The following UTRN variants were observed in gnomAD, a reference collection of about 807,000 sequenced individuals.
UTRN encodes the protein dystrophin-related protein 1.
Under a neutral mutation model 463.9 loss-of-function variants are expected in UTRN, and 283 were observed. The observed-to-expected ratio is 0.61, with a 90% CI of 0.55 to 0.67. UTRN has a LOEUF of 0.67. UTRN is among the 30% of genes least tolerant of loss of function. The probability of loss-of-function intolerance (pLI) is 0.00; values close to 1 mark genes in which losing one functional copy is unlikely to be tolerated. For missense variants in UTRN, 3,922 were observed against 4,084.3 expected, an observed-to-expected ratio of 0.96 and a Z score of 1.08; for synonymous variants, 1,442 against 1,431.5, an observed-to-expected ratio of 1.01 and a Z score of -0.17.
intron 51 of UTRN, among the ~76,000 whole-genome samples, chr6:144,670,045 C>T (rs763230620): frequency 2.9e-4 from 44 of 151,074 alleles, no homozygotes; most frequent in Non-Finnish European, 5.3e-4. Flanking sequence ...GGTATTTGTA[C>T]TGGTTCCATA....
intron 53 of UTRN, among the ~76,000 whole-genome samples, chr6:144,704,548 G>A (rs1186201729): frequency 1.3e-5 from 2 of 152,170 alleles, no homozygotes; most frequent in Admixed American, 6.5e-5. Flanking sequence ...TCACAGGGCT[G>A]GAGGATTCCT....
chr6:144,665,049 A>G (rs1250390605), intron 51 of UTRN, among the ~76,000 whole-genome samples: 1 of 152,180 alleles, frequency 6.6e-6, no homozygotes, highest in Non-Finnish European at 1.5e-5. Flanking sequence ...GAGCTTTGGG[A>G]CATGATAGCG....
intron 51 of UTRN, 54 bp from the exon 52 acceptor site, chr6:144,678,351 TA>T: frequency 6.6e-7 from 1 of 1,516,280 alleles, no homozygotes; most frequent in Non-Finnish European, 8.9e-7. Context: ...TCTGTGAATA[TA>T]AAGATATACT....
At chr6:144,659,055 C>T (rs183722957) in intron 51 of UTRN, among the ~76,000 whole-genome samples, 44 of 152,336 alleles carry the variant, frequency 2.9e-4, no homozygotes, top group African/African-American at 1.0e-3. Context: ...CTATTTTCTT[C>T]ATCAGTTGCC....
intron 28 of UTRN, 26 bp downstream of exon 28, chr6:144,485,545 T>A: frequency 6.2e-7 from 1 of 1,613,868 alleles, no homozygotes; most frequent in South Asian, 1.1e-5. Flanking sequence ...CTCCACGGCA[T>A]TTCTCTTTGC....
chr6:144,611,446 A>G (rs1431822641), intron 51 of UTRN, among the ~76,000 whole-genome samples: 1 of 152,222 alleles, frequency 6.6e-6, no homozygotes, highest in Non-Finnish European at 1.5e-5. Flanking sequence ...TGCAGATGTC[A>G]TGATCTTCTG....
chr6:144,329,791 T>C (rs557506446), intron 2 of UTRN, among the ~76,000 whole-genome samples: 1 of 152,344 alleles, frequency 6.6e-6, no homozygotes, highest in South Asian at 2.1e-4. Context: ...AAAATGAGTA[T>C]TTGTTTCCTT....
chr6:144,621,386 T>G (rs181271421), intron 51 of UTRN, among the ~76,000 whole-genome samples: 202 of 152,232 alleles, frequency 1.3e-3, no homozygotes, highest in African/African-American at 4.7e-3. Flanking sequence ...GTACCTATCC[T>G]TTTGCTTGGA....
rs1781118399 is a variant in UTRN at position 144,836,521 on chromosome 6, C to T, written c.10045C>T (p.Leu3349Phe). 1 of 1,613,616 alleles carries T rather than the reference C, an allele frequency of 6.2e-7. No individual in the cohort carries two copies. Among genetic ancestry groups the T allele is most frequent in the Admixed American group, 1.7e-5 (1 of 60,010 alleles). Residue 3349 changes from leucine to phenylalanine, a missense_variant, in exon 71 of 75, where the codon CTC becomes TTC. Physicochemically the swap from Leu to Phe is conservative, Grantham distance 22. This residue lies in a region of UTRN where 1,309 missense variants were observed against 1,452.6 expected (regional missense o/e 0.90). Coordinates refer to ENST00000367545, the MANE Select transcript of UTRN (RefSeq NM_007124.3). ...ACAGCTGGAGTCTCAGCTCCACCGC[C>T]TCCGACAGCTGCTGGAGCAGGTAGG... The part of the protein sequence containing the change: ...NKQLESQLHR[L>F]RQLLEQPESD...
At chr6:144,736,532 TATTA>T (rs1437831287) in intron 54 of UTRN, among the ~76,000 whole-genome samples, 1 of 152,246 alleles carries the variant, frequency 6.6e-6, no homozygotes, top group Admixed American at 6.5e-5. Context: ...TAAAAATCAC[TATTA>T]ATTGACCATT....
intron 2 of UTRN, among the ~76,000 whole-genome samples, chr6:144,327,696 C>T (rs2502636): frequency 2.6e-5 from 4 of 151,920 alleles, no homozygotes; most frequent in South Asian, 4.1e-4. Context: ...GTAATCCCAG[C>T]GCTTTGGGAG....
intron 58 of UTRN, among the ~76,000 whole-genome samples, chr6:144,766,788 G>A (rs540783612): frequency 9.2e-6 from 1 of 109,190 alleles, no homozygotes; most frequent in Non-Finnish European, 1.8e-5. Context: ...TGAGGTAGGG[G>A]TGTGTGTGTG....
At chr6:144,562,258 A>C (rs1799996770) in intron 50 of UTRN, among the ~76,000 whole-genome samples, 1 of 152,124 alleles carries the variant, frequency 6.6e-6, no homozygotes, top group Non-Finnish European at 1.5e-5. Flanking sequence ...ATGCAGGTTT[A>C]TGACATAGGT....
rs564769713 is a variant in UTRN, at chr6:144,619,483, A to G, written c.7479+42195A>G. Reference sequence around the variant, plus strand: ...ACTTTACAACCTCTTAAACCAGAATATGGGAGAAGCCCAATTTACCTTTAA... The same window carrying G: ...ACTTTACAACCTCTTAAACCAGAATGTGGGAGAAGCCCAATTTACCTTTAA... On this transcript the variant is annotated intron_variant, in intron 51 of 74. Transcript: ENST00000367545. Among the ~76,000 whole-genome samples the G allele has an allele frequency of 7.5e-4, 114 of 152,308 alleles. 1 individual carries two copies. The highest frequency in any genetic ancestry group is 2.1e-3 in the African/African-American group (88 of 41,588).
rs1562549845 is a variant in UTRN at position 144,542,878 on chromosome 6, A to G, written c.6595+8A>G. The G allele has an allele frequency of 1.2e-6, 2 of 1,606,886 alleles. No individual in the cohort carries two copies. The highest frequency in any genetic ancestry group is 1.7e-6 in the Non-Finnish European group (2 of 1,177,034). ...CACAGACAAGGATTGCTGGTAAGAT[A>G]TGTTTATCTTTAACAAAGTTTTTTA... On this transcript the variant is annotated splice_region_variant and intron_variant, in intron 46 of 74. Coordinates refer to ENST00000367545, the MANE Select transcript of UTRN (RefSeq NM_007124.3).
At chr6:144,687,020 T>C (rs1011608456) in intron 52 of UTRN, among the ~76,000 whole-genome samples, 1 of 152,160 alleles carries the variant, frequency 6.6e-6, no homozygotes, top group African/African-American at 2.4e-5. Context: ...TGGGGCATAA[T>C]GACCTTTCAT....
At chr6:144,308,103 A>T (rs1236618294) in intron 2 of UTRN, among the ~76,000 whole-genome samples, 1 of 151,464 alleles carries the variant, frequency 6.6e-6, no homozygotes, top group African/African-American at 2.4e-5. Flanking sequence ...GTGAGATGTC[A>T]CTCCCTCCCT....
chr6:144,569,403 C>T (rs1217782936), intron 50 of UTRN, among the ~76,000 whole-genome samples: 1 of 152,042 alleles, frequency 6.6e-6, no homozygotes, highest in East Asian at 1.9e-4. Context: ...TTCCAGGACA[C>T]TTATCATTAA....
Position 144,393,881 on chromosome 6 carries a change from C to T in UTRN, c.80-9242C>T, listed in dbSNP as rs146125434. Among the ~76,000 whole-genome samples the T allele has an allele frequency of 1.3e-4, 20 of 152,216 alleles. No homozygotes were observed. In the East Asian group the frequency reaches 2.5e-3, roughly 19 times the overall value. ...AACTTTTGTAGATGTCTAATCCTGA[C>T]GAGCTGGAGACACTTTCTCTTTGAC... On this transcript the variant is annotated intron_variant, in intron 2 of 74. Transcript: ENST00000367545.
Sources: gnomAD v4.1 joint callset for allele counts (sites outside exome capture counted in the v4.1 genomes callset) on GRCh38, gnomAD v4.1.1 for gene constraint, gnomAD v4.1.1 regional missense constraint, MANE v1.5 for transcripts, NCBI Gene and HGNC (gene_info 2026-07-23, HGNC 2026-07-21) for gene names.